SLC24A2: variants seen among roughly 807,000 people sequenced by gnomAD.
The protein encoded by SLC24A2 is solute carrier family 24 member 2.
In SLC24A2, 36 loss-of-function variants were observed where a neutral mutation model predicts 62.0. The observed-to-expected ratio is 0.58, with a 90% CI of 0.44 to 0.77. The LOEUF is 0.77. Ranked by LOEUF, SLC24A2 falls within the 30% of genes least tolerant of loss-of-function variation. The pLI, the probability that SLC24A2 is intolerant of heterozygous loss-of-function variation, is 0.00. For missense variants in SLC24A2, 846 were observed against 817.9 expected (o/e 1.03, Z -0.42); for synonymous variants, 358 against 294.0 (o/e 1.22, Z -2.23).
At chr9:19,909,838 G>A in the SLC24A2 span, among the ~76,000 whole-genome samples, 1 of 151,998 alleles carries the variant, frequency 6.6e-6, no homozygotes, top group South Asian at 2.1e-4. Flanking sequence ...TATTGGGGTG[G>A]CATGTTCTAA....
the SLC24A2 span, among the ~76,000 whole-genome samples, chr9:20,158,461 C>G: frequency 6.6e-6 from 1 of 151,550 alleles, no homozygotes; most frequent in South Asian, 2.1e-4. Flanking sequence ...CGCCTTATGC[C>G]ATTTGAGGAC....
chr9:19,863,684 A>G, the SLC24A2 span, among the ~76,000 whole-genome samples: 1 of 118,108 alleles, frequency 8.5e-6, no homozygotes, highest in South Asian at 2.4e-4. Context: ...AACACAACTT[A>G]CCAAAATCTA....
At chr9:19,579,959 G>A (rs1176295367) in intron 5 of SLC24A2, among the ~76,000 whole-genome samples, 2 of 152,214 alleles carry the variant, frequency 1.3e-5, no homozygotes, top group African/African-American at 4.8e-5. Flanking sequence ...TAGGAGAACA[G>A]GGTAGGAGAT....
intron 3 of SLC24A2, 37 bp from the exon 4 acceptor site, chr9:19,619,729 A>G (rs779428424): frequency 2.8e-5 from 42 of 1,488,592 alleles, no homozygotes; most frequent in Non-Finnish European, 3.8e-5. Context: ...TAGTCTCAGG[A>G]ATGAAAGACA....
At chr9:19,534,904 T>C (rs1486231218) in intron 8 of SLC24A2, among the ~76,000 whole-genome samples, 2 of 152,186 alleles carry the variant, frequency 1.3e-5, no homozygotes, top group Non-Finnish European at 2.9e-5. Flanking sequence ...AAATGGTATT[T>C]CTAATTCTAG....
the SLC24A2 span, among the ~76,000 whole-genome samples, chr9:19,949,557 A>C: frequency 6.6e-6 from 1 of 152,178 alleles, no homozygotes; most frequent in African/African-American, 2.4e-5. Context: ...AAGCAATAGA[A>C]TCTCCTGAGT....
At chr9:20,228,888 A>G in the SLC24A2 span, among the ~76,000 whole-genome samples, 2 of 152,110 alleles carry the variant, frequency 1.3e-5, no homozygotes, top group African/African-American at 4.8e-5. Context: ...ATGGAGGGTG[A>G]AGCATGGTGG....
intron 5 of SLC24A2, among the ~76,000 whole-genome samples, chr9:19,587,295 A>T (rs1836403056): frequency 6.6e-6 from 1 of 152,184 alleles, no homozygotes; most frequent in Non-Finnish European, 1.5e-5. Flanking sequence ...CATTTATTTT[A>T]TTGTAAAGTG....
the SLC24A2 span, among the ~76,000 whole-genome samples, chr9:19,901,808 C>A: frequency 6.6e-6 from 1 of 151,856 alleles, no homozygotes; most frequent in Non-Finnish European, 1.5e-5. Context: ...TGAGATAAGT[C>A]TCTTATCTAG....
intron 2 of SLC24A2, among the ~76,000 whole-genome samples, chr9:19,772,575 T>G (rs1384539377): frequency 6.6e-6 from 1 of 152,132 alleles, no homozygotes; most frequent in Admixed American, 6.5e-5. Flanking sequence ...AGTAGACACT[T>G]CTCCAAAGAA....
intron 5 of SLC24A2, among the ~76,000 whole-genome samples, chr9:19,581,922 T>C (rs918824735): frequency 6.6e-6 from 1 of 152,236 alleles, no homozygotes; most frequent in African/African-American, 2.4e-5. Context: ...TCTCTTGTGG[T>C]CTAAACCCTT....
the SLC24A2 span, among the ~76,000 whole-genome samples, chr9:19,862,080 T>C: frequency 1.4e-4 from 21 of 152,108 alleles, no homozygotes; most frequent in African/African-American, 5.1e-4. Context: ...GATATCAGTA[T>C]CCAAGTACAG....
the SLC24A2 span, among the ~76,000 whole-genome samples, chr9:20,121,433 CAA>C: frequency 6.6e-6 from 1 of 151,596 alleles, no homozygotes; most frequent in Admixed American, 6.6e-5. Flanking sequence ...TTTTAAAGGC[CAA>C]AAAGTTTATG....
rs76837873 is a variant in SLC24A2, at chr9:19,587,547, A to G, written c.1129+9682T>C. Among the ~76,000 whole-genome samples, 607 of 152,328 alleles carry G rather than the reference A, an allele frequency of 4.0e-3. 3 individuals are homozygous for G. The highest frequency in any genetic ancestry group is 5.8e-3 in the Non-Finnish European group (393 of 68,022). On this transcript the variant is annotated intron_variant, in intron 5 of 10. Coordinates refer to ENST00000341998, the MANE Select transcript of SLC24A2 (RefSeq NM_020344.4). ...TGAGAGTCCTTAACTAAAGGCTTAG[A>G]GGCCTATGACTAAAATGAGATGATT...
the SLC24A2 span, among the ~76,000 whole-genome samples, chr9:20,295,086 A>C: frequency 6.6e-6 from 1 of 151,938 alleles, no homozygotes; most frequent in Non-Finnish European, 1.5e-5. Flanking sequence ...ACACACATAC[A>C]CAGTGTGTAT....
intron 4 of SLC24A2, 48 bp downstream of exon 4, chr9:19,619,536 C>T (rs749786164): frequency 6.4e-6 from 9 of 1,403,878 alleles, no homozygotes; most frequent in Non-Finnish European, 8.1e-6. Flanking sequence ...AGCCTTTTGG[C>T]ATCCTTTTCC....
At chr9:20,132,287 A>C in the SLC24A2 span, among the ~76,000 whole-genome samples, 1 of 152,106 alleles carries the variant, frequency 6.6e-6, no homozygotes, top group Non-Finnish European at 1.5e-5. Flanking sequence ...GAATTAGAGA[A>C]AAGTTTGCTG....
chr9:19,810,795 T>C, the SLC24A2 span, among the ~76,000 whole-genome samples: 1 of 151,912 alleles, frequency 6.6e-6, no homozygotes, highest in Admixed American at 6.6e-5. Context: ...TTGAGGATAA[T>C]CTTAAAAAAA....
the SLC24A2 span, among the ~76,000 whole-genome samples, chr9:20,268,836 G>A: frequency 6.6e-6 from 1 of 152,038 alleles, no homozygotes. Context: ...GCAGTCTCTG[G>A]CCCAAAATAA....
Sources: gnomAD v4.1 joint callset for allele counts (sites outside exome capture counted in the v4.1 genomes callset) on GRCh38, gnomAD v4.1.1 for gene constraint, MANE v1.5 for transcripts, NCBI Gene and HGNC (gene_info 2026-07-23, HGNC 2026-07-21) for gene names.